Variants in PTPRD observed in about 807,000 individuals in gnomAD.
PTPRD encodes the protein receptor-type tyrosine-protein phosphatase delta.
PTPRD carries 34 observed loss-of-function variants against 214.5 expected under a neutral mutation model. That is an observed-to-expected ratio of 0.16 (90% CI 0.12 to 0.21). PTPRD has a LOEUF of 0.21. PTPRD is among the 10% of genes least tolerant of loss of function. The probability of loss-of-function intolerance (pLI) is 1.00; values close to 1 mark genes in which losing one functional copy is unlikely to be tolerated. For missense variants in PTPRD, 2,545 were observed against 2,398.7 expected, an observed-to-expected ratio of 1.06 and a Z score of -1.27; for synonymous variants, 1,128 against 845.7, an observed-to-expected ratio of 1.33 and a Z score of -5.79.
At chr9:9,893,874 G>T (rs2074169358) in intron 5 of PTPRD, among the ~76,000 whole-genome samples, 1 of 152,002 alleles carries the variant, frequency 6.6e-6, no homozygotes, top group Non-Finnish European at 1.5e-5. Context: ...AGACTGGAAT[G>T]CAGTGACATG....
At chr9:8,705,807 T>C (rs1021139542) in intron 12 of PTPRD, among the ~76,000 whole-genome samples, 4 of 152,226 alleles carry the variant, frequency 2.6e-5, no homozygotes, top group African/African-American at 9.7e-5. Flanking sequence ...ACTGCTGATA[T>C]AGTAAAGGCA....
At chr9:9,032,572 T>A (rs1310832427) in intron 10 of PTPRD, among the ~76,000 whole-genome samples, 2 of 151,816 alleles carry the variant, frequency 1.3e-5, no homozygotes. Flanking sequence ...TACCTGTGGG[T>A]CATGCTCTGA....
chr9:10,190,065 G>T (rs115255581), intron 3 of PTPRD, among the ~76,000 whole-genome samples: 4,023 of 152,182 alleles, frequency 0.026, 59 homozygotes, highest in Middle Eastern at 0.075. Flanking sequence ...GCTGCCAACA[G>T]ATTAGAAAAG....
chr9:9,665,596 G>C (rs762096908), intron 7 of PTPRD, among the ~76,000 whole-genome samples: 1 of 151,722 alleles, frequency 6.6e-6, no homozygotes, highest in Non-Finnish European at 1.5e-5. Flanking sequence ...AGAATGGGAC[G>C]AGGATTCAAA....
At chr9:8,927,909 A>T (rs977245060) in intron 11 of PTPRD, among the ~76,000 whole-genome samples, 2 of 152,104 alleles carry the variant, frequency 1.3e-5, no homozygotes, top group Admixed American at 6.6e-5. Context: ...TCTAACTGGC[A>T]TGACATGGTA....
At chr9:8,633,577 A>G in intron 13 of PTPRD, 119 bp from the exon 14 acceptor site, 1 of 1,189,834 alleles carries the variant, frequency 8.4e-7, no homozygotes, top group East Asian at 2.6e-5. Flanking sequence ...CATCATTCTG[A>G]AACTGAATTT....
intron 11 of PTPRD, among the ~76,000 whole-genome samples, chr9:8,986,401 G>C (rs2099345298): frequency 6.6e-6 from 1 of 151,734 alleles, no homozygotes; most frequent in Non-Finnish European, 1.5e-5. Context: ...AGAGTTAACA[G>C]TTGTTTTCAT....
rs541429285 is a variant in PTPRD at position 8,974,401 on chromosome 9, T to A, written c.-104+44296A>T. On this transcript the variant is annotated intron_variant, in intron 11 of 45. Transcript: ENST00000381196. ...TCTTGGGTATACTCCTTTTTAATTTTATTTTATTTATTATACTTTAAATTC... is the reference window on the plus strand; with the variant it reads ...TCTTGGGTATACTCCTTTTTAATTTAATTTTATTTATTATACTTTAAATTC... 2.8e-4 allele frequency among the ~76,000 whole-genome samples: 43 copies of A among 152,232 alleles called. 1 individual carries two copies. Among genetic ancestry groups the A allele is most frequent in the African/African-American group, 8.2e-4 (34 of 41,556 alleles).
rs547848357 is a variant in PTPRD at position 9,192,772 on chromosome 9, T to G, written c.-202-9409A>C. ...CAGATTTGGGAAAACTAATTTACAC[T>G]GGAGGAGGGAAGAAGGGAAAGAAGA... On this transcript the variant is annotated intron_variant, in intron 9 of 45. Transcript: ENST00000381196. Among the ~76,000 whole-genome samples, 3 of 152,116 alleles carry G rather than the reference T, an allele frequency of 2.0e-5. No individual in the cohort carries two copies. In the South Asian group the frequency reaches 6.2e-4, roughly 32 times the overall value.
chr9:10,092,877 G>T (rs1023668429), intron 3 of PTPRD, among the ~76,000 whole-genome samples: 1 of 151,610 alleles, frequency 6.6e-6, no homozygotes, highest in Non-Finnish European at 1.5e-5. Context: ...AATTAATGGT[G>T]CTGGGATAAC....
Position 9,291,414 on chromosome 9 carries a change from G to T in PTPRD, c.-203+106035C>A, listed in dbSNP as rs988008410. 2.6e-5 allele frequency among the ~76,000 whole-genome samples: 4 copies of T among 151,382 alleles called. No individual in the cohort carries two copies. The Admixed American group carries it at 2.6e-4, about 10-fold the overall frequency. Reference sequence around the variant, plus strand: ...CTTGAAGAAGATGCCCCCAACGGAGGTGCAAATAACTTTGTTCCTTGAATA... The same window carrying T: ...CTTGAAGAAGATGCCCCCAACGGAGTTGCAAATAACTTTGTTCCTTGAATA... On this transcript the variant is annotated intron_variant, in intron 9 of 45. Coordinates refer to ENST00000381196, the MANE Select transcript of PTPRD (RefSeq NM_002839.4).
intron 3 of PTPRD, among the ~76,000 whole-genome samples, chr9:10,064,105 T>C (rs768614353): frequency 6.6e-6 from 1 of 151,950 alleles, no homozygotes; most frequent in Non-Finnish European, 1.5e-5. Flanking sequence ...TTGTCTTCAA[T>C]GTGTAACTTA....
In PTPRD at chr9:9,869,093, AT is replaced by A. The variant is rs1467899225; in HGVS notation, c.-368+69413del. 2.6e-5 allele frequency among the ~76,000 whole-genome samples: 4 copies of A among 152,160 alleles called. No individual in the cohort carries two copies. In the East Asian group the frequency reaches 7.7e-4, roughly 29 times the overall value. On this transcript the variant is annotated intron_variant, in intron 5 of 45. Transcript: ENST00000381196. Reference sequence around the variant, plus strand: ...CAACTACTTACATAAAACCAAAACTATGAAAAATGTATGAAATTCACCATTG... The same window carrying A: ...CAACTACTTACATAAAACCAAAACTAGAAAAATGTATGAAATTCACCATTG...
At chr9:8,958,260 T>A (rs924529971) in intron 11 of PTPRD, among the ~76,000 whole-genome samples, 8 of 151,914 alleles carry the variant, frequency 5.3e-5, no homozygotes, top group African/African-American at 1.9e-4. Flanking sequence ...CACTTCTCTC[T>A]CTGTCTGAAC....
intron 5 of PTPRD, among the ~76,000 whole-genome samples, chr9:9,827,985 G>C (rs199716647): frequency 4.0e-5 from 6 of 151,838 alleles, no homozygotes; most frequent in Admixed American, 1.3e-4. Context: ...AATGGCGATC[G>C]TTAAAAAGTC....
intron 5 of PTPRD, among the ~76,000 whole-genome samples, chr9:9,830,604 T>A (rs2054504499): frequency 6.6e-6 from 1 of 151,964 alleles, no homozygotes; most frequent in South Asian, 2.1e-4. Flanking sequence ...CAGAGCTTCC[T>A]CTTCTCATGT....
intron 5 of PTPRD, among the ~76,000 whole-genome samples, chr9:9,823,106 T>A (rs2051367542): frequency 6.6e-6 from 1 of 152,076 alleles, no homozygotes; most frequent in African/African-American, 2.4e-5. Context: ...GAAAATGTGG[T>A]ACATATACAT....
At position 10,476,002 on chromosome 9, in the gene PTPRD, T is replaced by C. The variant is rs1488285273; in HGVS notation, c.-599-134985A>G. ...ATATCTCAAAATAATAAAATCTATTTATAACAAGCCCATAGCCAATATCAT... is the reference window on the plus strand; with the variant it reads ...ATATCTCAAAATAATAAAATCTATTCATAACAAGCCCATAGCCAATATCAT... On this transcript the variant is annotated intron_variant, in intron 2 of 45. Transcript: ENST00000381196. Among the ~76,000 whole-genome samples, 3 of 152,134 alleles carry C rather than the reference T, an allele frequency of 2.0e-5. No individual in the cohort carries two copies. In the East Asian group the frequency reaches 5.8e-4, roughly 29 times the overall value.
rs544731052 is a variant in PTPRD, at chr9:10,182,228, C to G, written c.-544-148438G>C. Reference sequence around the variant, plus strand: ...TGAGCTGAGATCATGCCATCTTGTTCCAGTCTGGGCAGCACAGTGAGACTC... The same window carrying G: ...TGAGCTGAGATCATGCCATCTTGTTGCAGTCTGGGCAGCACAGTGAGACTC... On this transcript the variant is annotated intron_variant, in intron 3 of 45. Coordinates refer to ENST00000381196, the MANE Select transcript of PTPRD (RefSeq NM_002839.4). 4.6e-5 allele frequency among the ~76,000 whole-genome samples: 6 copies of G among 131,840 alleles called. No individual in the cohort carries two copies. In the East Asian group the frequency reaches 1.3e-3, roughly 29 times the overall value. The allele number at this position is 131,840 out of a possible 152,430, so 86.5% of individuals were successfully genotyped here.
Sources: allele counts gnomAD v4.1 joint callset (sites outside exome capture counted in the v4.1 genomes callset), GRCh38; gene constraint gnomAD v4.1.1; transcripts MANE v1.5; gene names NCBI Gene and HGNC (gene_info 2026-07-23, HGNC 2026-07-21).